Variants in DGKB observed in about 807,000 individuals in gnomAD.
DGKB encodes diacylglycerol kinase beta.
In DGKB, 67 loss-of-function variants were observed where a neutral mutation model predicts 114.3. The observed-to-expected ratio is 0.59, with a 90% confidence interval of 0.48 to 0.72. The LOEUF (loss-of-function observed/expected upper bound fraction) is 0.72, where lower values mean the gene tolerates loss of function less well. Ranked by LOEUF, DGKB falls within the 30% of genes least tolerant of loss-of-function variation. DGKB has a pLI of 0.00. For synonymous variants in DGKB, 398 were observed against 323.1 expected, an observed-to-expected ratio of 1.23 and a Z score of -2.49; for missense variants, 907 against 975.2, an observed-to-expected ratio of 0.93 and a Z score of 0.93.
At chr7:14,841,067 A>T in intron 2 of DGKB, 127 bp downstream of exon 2, 1 of 775,510 alleles carries the variant, frequency 1.3e-6, no homozygotes, top group Non-Finnish European at 2.0e-6. Flanking sequence ...CCTGACTTGT[A>T]AACACAAAAG....
intron 1 of DGKB, among the ~76,000 whole-genome samples, chr7:14,926,309 G>C (rs966025263): frequency 4.0e-5 from 6 of 151,820 alleles, no homozygotes; most frequent in African/African-American, 1.5e-4. Context: ...ATTGGCATCT[G>C]TTGACTTTCT....
At chr7:14,931,116 T>C (rs1784993946) in intron 1 of DGKB, among the ~76,000 whole-genome samples, 1 of 150,854 alleles carries the variant, frequency 6.6e-6, no homozygotes, top group Non-Finnish European at 1.5e-5. Flanking sequence ...GCTAGTATTT[T>C]TTTTTTTTTT....
intron 5 of DGKB, 190 bp from the exon 6 acceptor site, chr7:14,718,875 T>C (rs1828680661): frequency 4.0e-6 from 2 of 503,122 alleles, no homozygotes; most frequent in Admixed American, 3.7e-5. Context: ...TGAAGGAGAG[T>C]TCTTTGGGAT....
At chr7:14,391,833 T>A (rs1214650145) in intron 21 of DGKB, among the ~76,000 whole-genome samples, 1 of 152,238 alleles carries the variant, frequency 6.6e-6, no homozygotes, top group Non-Finnish European at 1.5e-5. Flanking sequence ...GCTCACTGTA[T>A]TCTCATTCTA....
intron 23 of DGKB, chr7:14,209,137 C>T: frequency 4.6e-6 from 1 of 217,346 alleles, no homozygotes; most frequent in Non-Finnish European, 9.1e-6. Flanking sequence ...ATATTGAGGA[C>T]ATGAGTATAA....
At chr7:14,307,912 G>A (rs1197114602) in intron 23 of DGKB, among the ~76,000 whole-genome samples, 1 of 152,016 alleles carries the variant, frequency 6.6e-6, no homozygotes, top group Non-Finnish European at 1.5e-5. Flanking sequence ...ATGTGTCAAT[G>A]AATTTATCTA....
intron 20 of DGKB, among the ~76,000 whole-genome samples, chr7:14,534,804 A>G (rs898940761): frequency 2.0e-5 from 3 of 152,214 alleles, no homozygotes; most frequent in African/African-American, 4.8e-5. Context: ...TAGTCACGAA[A>G]CAAATCTGAA....
intron 21 of DGKB, among the ~76,000 whole-genome samples, chr7:14,392,550 A>G (rs887754205): frequency 6.6e-6 from 1 of 152,188 alleles, no homozygotes; most frequent in African/African-American, 2.4e-5. Flanking sequence ...AATTAAGACT[A>G]CTATTTTGTT....
Position 14,671,916 on chromosome 7 carries a change from G to A in DGKB, c.1134+1013C>T, listed in dbSNP as rs539835623. ...TATTTAATTAATCTTATTTACCATAGGATGTCTAATAAACCTTACATGAAG... is the reference window on the plus strand; with the variant it reads ...TATTTAATTAATCTTATTTACCATAAGATGTCTAATAAACCTTACATGAAG... On this transcript the variant is annotated intron_variant, in intron 13 of 25. Transcript: ENST00000402815. Among the ~76,000 whole-genome samples the A allele has an allele frequency of 3.3e-5, 5 of 151,920 alleles. No homozygotes were observed. In the East Asian group the frequency reaches 9.7e-4, roughly 29 times the overall value.
chr7:14,589,667 C>T (rs1290372283), intron 17 of DGKB, among the ~76,000 whole-genome samples: 2 of 151,794 alleles, frequency 1.3e-5, no homozygotes, highest in African/African-American at 4.8e-5. Context: ...GGTCTCTGTC[C>T]TTTAATCGGT....
At chr7:14,301,981 A>T (rs984155113) in intron 23 of DGKB, among the ~76,000 whole-genome samples, 1 of 151,980 alleles carries the variant, frequency 6.6e-6, no homozygotes, top group Non-Finnish European at 1.5e-5. Context: ...AGAATCAGGC[A>T]CTCTCACAAG....
At chr7:14,648,266 C>T (rs939023698) in intron 13 of DGKB, among the ~76,000 whole-genome samples, 9 of 152,170 alleles carry the variant, frequency 5.9e-5, no homozygotes, top group South Asian at 2.1e-4. Flanking sequence ...TTGAAGAGAG[C>T]AGTAGTTCTC....
At chr7:14,475,575 G>C (rs957571162) in intron 21 of DGKB, among the ~76,000 whole-genome samples, 1 of 151,998 alleles carries the variant, frequency 6.6e-6, no homozygotes, top group African/African-American at 2.4e-5. Flanking sequence ...CTCTATACCT[G>C]GTTCTTGAAC....
chr7:14,864,877 C>A (rs111661059), intron 1 of DGKB, among the ~76,000 whole-genome samples: 4,285 of 151,510 alleles, frequency 0.028, 193 homozygotes, highest in African/African-American at 0.098. Context: ...TTTTAAAATA[C>A]AAGTGGGAGA....
intron 2 of DGKB, among the ~76,000 whole-genome samples, chr7:14,783,894 C>A (rs1427987011): frequency 6.6e-6 from 1 of 152,048 alleles, no homozygotes; most frequent in Non-Finnish European, 1.5e-5. Flanking sequence ...ATTTCACACA[C>A]ATAAAAGAAT....
At chr7:14,617,438 C>T (rs1253449498) in intron 15 of DGKB, among the ~76,000 whole-genome samples, 1 of 151,586 alleles carries the variant, frequency 6.6e-6, no homozygotes, top group Non-Finnish European at 1.5e-5. Context: ...AGAATCCCAT[C>T]ACATCTCTCT....
chr7:14,745,257 G>A (rs4721366), intron 4 of DGKB, among the ~76,000 whole-genome samples: 7,975 of 152,234 alleles, frequency 0.052, 311 homozygotes, highest in Admixed American at 0.11. Flanking sequence ...TGCAACCAGA[G>A]TCTCAAACAA....
intron 2 of DGKB, among the ~76,000 whole-genome samples, chr7:14,800,812 C>T (rs546428352): frequency 2.6e-5 from 4 of 152,120 alleles, no homozygotes; most frequent in African/African-American, 7.2e-5. Context: ...ATTACCATGG[C>T]CCGTCAATGG....
At chr7:14,725,796 C>T (rs775327983) in intron 5 of DGKB, among the ~76,000 whole-genome samples, 1 of 152,054 alleles carries the variant, frequency 6.6e-6, no homozygotes, top group Non-Finnish European at 1.5e-5. Flanking sequence ...GATCTCTGTA[C>T]CTCAGCCTCC....
Sources: allele counts gnomAD v4.1 joint callset (sites outside exome capture counted in the v4.1 genomes callset), GRCh38; gene constraint gnomAD v4.1.1; transcripts MANE v1.5; gene names NCBI Gene and HGNC (gene_info 2026-07-23, HGNC 2026-07-21).